SLC44A3: variants seen among roughly 807,000 people sequenced by gnomAD.
SLC44A3 encodes the protein solute carrier family 44 member 3.
SLC44A3 carries 74 observed loss-of-function variants against 75.4 expected under a neutral mutation model. The observed-to-expected ratio is 0.98, with a 90% CI of 0.81 to 1.19. SLC44A3 has a LOEUF of 1.19. SLC44A3 is among the 50% of genes most tolerant of loss of function. The probability of loss-of-function intolerance (pLI) is 0.00; values close to 1 mark genes in which losing one functional copy is unlikely to be tolerated. For synonymous variants in SLC44A3, 310 were observed against 296.9 expected (o/e 1.04, Z -0.45); for missense variants, 700 against 778.6 (o/e 0.90, Z 1.20).
At chr1:94,852,960 C>T (rs2101187291) in intron 9 of SLC44A3, among the ~76,000 whole-genome samples, 1 of 152,272 alleles carries the variant, frequency 6.6e-6, no homozygotes, top group Non-Finnish European at 1.5e-5. Flanking sequence ...GTCAAGTAGG[C>T]AGTTAGCTAT....
intron 12 of SLC44A3, among the ~76,000 whole-genome samples, chr1:94,887,372 CTGT>C (rs1669697333): frequency 6.9e-6 from 1 of 145,662 alleles, no homozygotes; most frequent in African/African-American, 2.5e-5. Flanking sequence ...CTAGATCTCT[CTGT>C]TGCACTCAGG....
chr1:94,853,862 ATT>A (rs34191139), intron 9 of SLC44A3, among the ~76,000 whole-genome samples: 3 of 145,690 alleles, frequency 2.1e-5, no homozygotes, highest in Admixed American at 6.8e-5. Flanking sequence ...CCTCTCTCTG[ATT>A]TTTTTTTTTT....
At chr1:94,894,052 G>A (rs1670504363) in intron 14 of SLC44A3, among the ~76,000 whole-genome samples, 2 of 151,934 alleles carry the variant, frequency 1.3e-5, no homozygotes, top group South Asian at 2.1e-4. Flanking sequence ...CTGAGATGGC[G>A]CCATTGCACT....
In SLC44A3 at chr1:94,882,006, C is replaced by T. The variant is rs560486287; in HGVS notation, c.1483-9124C>T. 4.1e-4 allele frequency among the ~76,000 whole-genome samples: 62 copies of T among 151,474 alleles called. 1 individual carries two copies. The highest frequency in any genetic ancestry group is 1.4e-3 in the African/African-American group (57 of 41,268). On this transcript the variant is annotated intron_variant, in intron 12 of 14. Coordinates refer to ENST00000271227, the MANE Select transcript of SLC44A3 (RefSeq NM_001114106.3). The stretch of plus-strand genomic sequence containing the variant: ...CTGCATTCTAGCCTGGGTGAGAGAG[C>T]GAGACTCCATCTAAAAAAAAAACAA...
At chr1:94,890,844 C>T (rs112994671) in intron 12 of SLC44A3, among the ~76,000 whole-genome samples, 1 of 152,180 alleles carries the variant, frequency 6.6e-6, no homozygotes. Flanking sequence ...AAGACTGTCT[C>T]AAAACAAGCA....
In SLC44A3 at chr1:94,827,558, C is replaced by T; in HGVS notation, c.330C>T (p.Leu110=). ...SCNLEVKGTQ[L]NRMALCVSNC... ...ACCTGGAAGTCAAAGGTACGCAGCT[C>T]AACCGCATGGCCCTCTGTGTATCCA... Residue 110 remains leucine (L), a synonymous_variant, in exon 4 of 15, where the codon CTC becomes CTT. Coordinates refer to ENST00000271227, the MANE Select transcript of SLC44A3 (RefSeq NM_001114106.3). The T allele has an allele frequency of 6.2e-7, 1 of 1,614,202 alleles. No homozygotes were observed. The highest frequency in any genetic ancestry group is 8.5e-7 in the Non-Finnish European group (1 of 1,180,044).
rs373305692 is a variant in SLC44A3, at chr1:94,837,741, C to T, written c.540C>T (p.Val180=). Residue 180 remains valine, a synonymous_variant, in exon 6 of 15, where the codon GTC becomes GTT. Transcript: ENST00000271227. ...SKSFPLFNRC[V]PQTPECYSLF... is the part of the protein sequence containing the mutation. ...CATTTCCCTTATTTAACCGATGTGTCCCTCAAACACCTGAGTGCTACTCCC... is the reference window on the plus strand; with the variant it reads ...CATTTCCCTTATTTAACCGATGTGTTCCTCAAACACCTGAGTGCTACTCCC... 10 of 1,594,028 alleles carry T rather than the reference C, an allele frequency of 6.3e-6. No individual in the cohort carries two copies. The African/African-American group carries it at 1.1e-4, about 17-fold the overall frequency.
At chr1:94,837,332 TATG>T (rs1250274308) in intron 5 of SLC44A3, among the ~76,000 whole-genome samples, 8 of 152,226 alleles carry the variant, frequency 5.3e-5, no homozygotes, top group South Asian at 2.1e-4. Context: ...TTTCTCAAAA[TATG>T]ATAACTATGG....
chr1:94,832,627 T>C (rs1662272629), intron 5 of SLC44A3, among the ~76,000 whole-genome samples: 1 of 152,164 alleles, frequency 6.6e-6, no homozygotes, highest in Non-Finnish European at 1.5e-5. Context: ...TTTTAGGTAA[T>C]ACATACTGAG....
chr1:94,888,566 T>C (rs1239082168), intron 12 of SLC44A3: 6 of 662,882 alleles, frequency 9.1e-6, no homozygotes, highest in Non-Finnish European at 1.1e-5. Context: ...CAGCAACAGC[T>C]GGTTTGAGAT....
At chr1:94,855,743 A>G (rs1467024527) in intron 9 of SLC44A3, among the ~76,000 whole-genome samples, 3 of 152,196 alleles carry the variant, frequency 2.0e-5, no homozygotes, top group African/African-American at 4.8e-5. Flanking sequence ...TACAGCACGG[A>G]TATCCTCCCC....
chr1:94,827,008 T>G (rs1447604478), intron 3 of SLC44A3, among the ~76,000 whole-genome samples: 2 of 152,172 alleles, frequency 1.3e-5, no homozygotes, highest in African/African-American at 4.8e-5. Context: ...TTCTCCTGAG[T>G]GTCCTGGCTC....
chr1:94,870,836 C>G (rs1349630030), intron 12 of SLC44A3, among the ~76,000 whole-genome samples: 1 of 152,168 alleles, frequency 6.6e-6, no homozygotes, highest in Non-Finnish European at 1.5e-5. Context: ...GCACATGCCA[C>G]CACATGCTAA....
At chr1:94,865,948 T>C (rs1667120559) in intron 11 of SLC44A3, among the ~76,000 whole-genome samples, 1 of 152,264 alleles carries the variant, frequency 6.6e-6, no homozygotes, top group East Asian at 1.9e-4. Context: ...CATAAAATTA[T>C]CTGGCTTCCT....
intron 13 of SLC44A3, among the ~76,000 whole-genome samples, chr1:94,891,689 G>T (rs1571491211): frequency 2.6e-5 from 4 of 152,234 alleles, no homozygotes; most frequent in African/African-American, 9.6e-5. Context: ...TTGGGATACC[G>T]AGGCAGGCAG....
chr1:94,838,092 G>T (rs983244860), intron 6 of SLC44A3, among the ~76,000 whole-genome samples: 1 of 152,222 alleles, frequency 6.6e-6, no homozygotes, highest in Middle Eastern at 3.2e-3. Context: ...GGGTTGCCTT[G>T]ATATACTGAC....
At chr1:94,839,641 G>T (rs895704676) in intron 6 of SLC44A3, among the ~76,000 whole-genome samples, 2 of 151,996 alleles carry the variant, frequency 1.3e-5, no homozygotes, top group Non-Finnish European at 2.9e-5. Context: ...CACCCGCCTC[G>T]GCCTCCCAAA....
At chr1:94,858,908 T>A (rs1666235980) in intron 10 of SLC44A3, among the ~76,000 whole-genome samples, 2 of 152,224 alleles carry the variant, frequency 1.3e-5, no homozygotes, top group South Asian at 2.1e-4. Context: ...GCCAGGATGG[T>A]CTCGATCTCT....
intron 10 of SLC44A3, among the ~76,000 whole-genome samples, chr1:94,859,691 T>A (rs1160765766): frequency 6.6e-6 from 1 of 152,140 alleles, no homozygotes; most frequent in Non-Finnish European, 1.5e-5. Context: ...ACTTGGGGTA[T>A]CAGGTACAGC....
Sources: allele counts gnomAD v4.1 joint callset (sites outside exome capture counted in the v4.1 genomes callset), GRCh38; gene constraint gnomAD v4.1.1; transcripts MANE v1.5; gene names NCBI Gene and HGNC (gene_info 2026-07-23, HGNC 2026-07-21).